The following JARID2 variants were observed in gnomAD, a reference collection of about 807,000 sequenced individuals.
JARID2 encodes protein Jumonji.
Under a neutral mutation model 125.6 loss-of-function variants are expected in JARID2, and 21 were observed. The observed-to-expected ratio is 0.17, with a 90% CI of 0.12 to 0.24. The LOEUF (loss-of-function observed/expected upper bound fraction) is 0.24, where lower values mean the gene tolerates loss of function less well. JARID2 is among the 10% of genes least tolerant of loss of function. The pLI is 1.00. For missense variants in JARID2, 1,303 were observed against 1,639.6 expected (o/e 0.79, Z 3.55); for synonymous variants, 736 against 661.6 (o/e 1.11, Z -1.73).
At chr6:15,298,930 G>A (rs1434638589) in intron 1 of JARID2, among the ~76,000 whole-genome samples, 1 of 145,244 alleles carries the variant, frequency 6.9e-6, no homozygotes, top group Non-Finnish European at 1.5e-5. Context: ...CAATCCACTA[G>A]CAAACTAGAA....
chr6:15,249,011 C>G (rs927744973), intron 1 of JARID2: 47 of 946,204 alleles, frequency 5.0e-5, no homozygotes, highest in African/African-American at 1.1e-4. Flanking sequence ...CCACTGGACC[C>G]TGTTCTGATG....
chr6:15,432,187 G>C (rs576634602), intron 3 of JARID2, among the ~76,000 whole-genome samples: 5 of 152,118 alleles, frequency 3.3e-5, no homozygotes, highest in Non-Finnish European at 7.4e-5. Context: ...CCAGCACTTT[G>C]GGAGGCTAAG....
intron 1 of JARID2, among the ~76,000 whole-genome samples, chr6:15,294,386 G>T (rs1430136202): frequency 4.6e-5 from 7 of 152,166 alleles, no homozygotes; most frequent in South Asian, 2.1e-4. Flanking sequence ...TAGAGATAGG[G>T]TTTCACCGTG....
chr6:15,387,477 C>T (rs751823427), intron 2 of JARID2, among the ~76,000 whole-genome samples: 4 of 152,160 alleles, frequency 2.6e-5, no homozygotes, highest in African/African-American at 4.8e-5. Context: ...CCTCCTCATG[C>T]GAGGACTCCA....
At chr6:15,499,992 A>C (rs1235175509) in intron 7 of JARID2, among the ~76,000 whole-genome samples, 1 of 152,144 alleles carries the variant, frequency 6.6e-6, no homozygotes, top group East Asian at 1.9e-4. Flanking sequence ...ACTTAAAAAC[A>C]ATATATCCCC....
chr6:15,407,561 C>G (rs942440535), intron 2 of JARID2, among the ~76,000 whole-genome samples: 2 of 152,164 alleles, frequency 1.3e-5, no homozygotes, highest in African/African-American at 2.4e-5. Flanking sequence ...GTATAGGAAC[C>G]CTTCCCAGTC....
intron 2 of JARID2, chr6:15,401,055 T>C: frequency 7.8e-7 from 1 of 1,289,358 alleles, no homozygotes; most frequent in Non-Finnish European, 1.0e-6. Flanking sequence ...CAAATAGCTC[T>C]AGATTTGTTT....
At chr6:15,482,246 G>A (rs1769654833) in intron 5 of JARID2, among the ~76,000 whole-genome samples, 1 of 152,238 alleles carries the variant, frequency 6.6e-6, no homozygotes, top group African/African-American at 2.4e-5. Context: ...CATGTAAGGA[G>A]TAATGGAACA....
At chr6:15,479,226 A>G (rs1270143191) in intron 5 of JARID2, among the ~76,000 whole-genome samples, 2 of 152,210 alleles carry the variant, frequency 1.3e-5, no homozygotes, top group African/African-American at 4.8e-5. Flanking sequence ...AGTAATCATC[A>G]GGTCTGCCAT....
intron 1 of JARID2, among the ~76,000 whole-genome samples, chr6:15,366,671 C>A (rs181742179): frequency 2.0e-5 from 3 of 152,072 alleles, no homozygotes; most frequent in African/African-American, 7.2e-5. Context: ...AATTCGAAGG[C>A]GATTTCTGCA....
intron 4 of JARID2, among the ~76,000 whole-genome samples, chr6:15,455,001 C>T (rs781611360): frequency 5.9e-5 from 9 of 151,612 alleles, no homozygotes; most frequent in Non-Finnish European, 1.2e-4. Flanking sequence ...ATGTATTTGC[C>T]CTAAAGGAAT....
intron 1 of JARID2, among the ~76,000 whole-genome samples, chr6:15,299,779 G>T (rs1761539752): frequency 6.6e-6 from 1 of 152,142 alleles, no homozygotes; most frequent in Non-Finnish European, 1.5e-5. Flanking sequence ...ACTTCAGCGG[G>T]GTGGGCTTGG....
chr6:15,508,330 T>G lies in JARID2; in HGVS notation c.2732-10T>G. On this transcript the variant is annotated splice_polypyrimidine_tract_variant and intron_variant, in intron 11 of 17. Coordinates refer to ENST00000341776, the MANE Select transcript of JARID2 (RefSeq NM_004973.4). ...TTTTAAAAATGCCCTTTTCACTCTT[T>G]CTGTTTTAGGAGTGACTATTCCCTG... The G allele has an allele frequency of 7.0e-7, 1 of 1,422,660 alleles. No homozygotes were observed. The highest frequency in any genetic ancestry group is 1.8e-4 in the Middle Eastern group (1 of 5,692). 88.1% of individuals were successfully genotyped at this position (1,422,660 alleles called of 1,614,324 possible).
intron 5 of JARID2, among the ~76,000 whole-genome samples, chr6:15,477,379 C>A (rs9383061): frequency 0.39 from 59,476 of 151,316 alleles, 12,146 homozygotes; most frequent in East Asian, 0.49. Context: ...AGACAAATGC[C>A]GCCTCCCCGC....
intron 1 of JARID2, among the ~76,000 whole-genome samples, chr6:15,264,739 G>A (rs1195829250): frequency 1.3e-5 from 2 of 152,038 alleles, no homozygotes; most frequent in African/African-American, 4.8e-5. Context: ...CTGCCGGGCC[G>A]CTTTTATGTG....
chr6:15,263,117 T>TGTGG (rs1561754484), intron 1 of JARID2, among the ~76,000 whole-genome samples: 2 of 137,414 alleles, frequency 1.5e-5, no homozygotes, highest in African/African-American at 5.5e-5. Flanking sequence ...TGTGTGTGTG[T>TGTGG]GGTAGGGGTC....
At chr6:15,450,132 G>A (rs943713279) in intron 3 of JARID2, among the ~76,000 whole-genome samples, 1 of 151,892 alleles carries the variant, frequency 6.6e-6, no homozygotes, top group Admixed American at 6.6e-5. Context: ...TGTCTTTAAG[G>A]GAATACATCT....
chr6:15,475,600 C>T (rs940878630), intron 5 of JARID2, among the ~76,000 whole-genome samples: 1 of 152,232 alleles, frequency 6.6e-6, no homozygotes, highest in Non-Finnish European at 1.5e-5. Context: ...GCACCTGCGA[C>T]CTCAGGAAGC....
intron 3 of JARID2, among the ~76,000 whole-genome samples, chr6:15,432,343 A>C (rs572403216): frequency 6.6e-6 from 1 of 152,236 alleles, no homozygotes; most frequent in South Asian, 2.1e-4. Flanking sequence ...CTGAGGCATC[A>C]CTTCAACTTA....
Sources: allele counts gnomAD v4.1 joint callset (sites outside exome capture counted in the v4.1 genomes callset), GRCh38; gene constraint gnomAD v4.1.1; transcripts MANE v1.5; gene names NCBI Gene and HGNC (gene_info 2026-07-23, HGNC 2026-07-21).